Variants in HHIP observed in about 807,000 individuals in gnomAD.
HHIP encodes the protein hedgehog-interacting protein.
Under a neutral mutation model 74.0 loss-of-function variants are expected in HHIP, and 12 were observed. The observed-to-expected ratio is 0.16, with a 90% CI of 0.10 to 0.26. The LOEUF (loss-of-function observed/expected upper bound fraction) is 0.26, where lower values mean the gene tolerates loss of function less well. Among genes scored for constraint, HHIP ranks in the 10% least tolerant of loss-of-function variants. HHIP has a pLI of 1.00. For missense variants in HHIP, 788 were observed against 845.0 expected, an observed-to-expected ratio of 0.93 and a Z score of 0.84; for synonymous variants, 309 against 311.6, an observed-to-expected ratio of 0.99 and a Z score of 0.09.
chr4:144,687,906 A>G (rs1159660063), intron 4 of HHIP, among the ~76,000 whole-genome samples: 2 of 151,928 alleles, frequency 1.3e-5, no homozygotes, highest in African/African-American at 2.4e-5. Flanking sequence ...TGTGTTACAG[A>G]GTCTTTACAA....
At chr4:144,681,247 A>G (rs1249663872) in intron 4 of HHIP, among the ~76,000 whole-genome samples, 1 of 152,140 alleles carries the variant, frequency 6.6e-6, no homozygotes, top group African/African-American at 2.4e-5. Context: ...TTTGTATATT[A>G]TACATTAATC....
At chr4:144,737,151 C>A (rs1731143073) in intron 12 of HHIP, among the ~76,000 whole-genome samples, 1 of 152,172 alleles carries the variant, frequency 6.6e-6, no homozygotes, top group Non-Finnish European at 1.5e-5. Context: ...AAGGTTTGCT[C>A]AGAACATCCT....
At position 144,734,870 on chromosome 4, in the gene HHIP, G is replaced by A. The variant is rs1251240370; in HGVS notation, c.1890G>A (p.Glu630=). The part of the protein sequence containing the change: ...TGKCCCSPGW[E]GDFCRTAKCE... Reference sequence around the variant, plus strand: ...AGTGCTGCTGCAGTCCAGGCTGGGAGGGGGACTTCTGCAGAACTGGTTAGT... The same window carrying A: ...AGTGCTGCTGCAGTCCAGGCTGGGAAGGGGACTTCTGCAGAACTGGTTAGT... The change falls in exon 12 of 13, where the codon GAG becomes GAA. Residue 630 remains glutamate, a synonymous_variant. Coordinates refer to ENST00000296575, the MANE Select transcript of HHIP (RefSeq NM_022475.3). 1.2e-6 allele frequency: 2 copies of A among 1,611,046 alleles called. No homozygotes were observed. The highest frequency in any genetic ancestry group is 1.7e-5 in the Admixed American group (1 of 59,972).
chr4:144,714,358 C>G lies in HHIP; in HGVS notation c.1547+10C>G, dbSNP rs76366317. Reference sequence around the variant, plus strand: ...TTGGAGATCGTAATGGGTAGGTTTCCTGATACCACAACAGTATGATATACC... The same window carrying G: ...TTGGAGATCGTAATGGGTAGGTTTCGTGATACCACAACAGTATGATATACC... On this transcript the variant is annotated intron_variant, in intron 9 of 12. Transcript: ENST00000296575. The G allele has an allele frequency of 2.5e-3, 3,954 of 1,612,896 alleles. 93 individuals carry two copies. The African/African-American group carries it at 0.047, about 19-fold the overall frequency.
At chr4:144,667,937 T>C (rs1437744366) in intron 4 of HHIP, among the ~76,000 whole-genome samples, 1 of 151,982 alleles carries the variant, frequency 6.6e-6, no homozygotes, top group Non-Finnish European at 1.5e-5. Context: ...AGGGGGGCAA[T>C]TGGGTAAAGC....
chr4:144,669,041 A>G (rs1728960299), intron 4 of HHIP, among the ~76,000 whole-genome samples: 1 of 150,858 alleles, frequency 6.6e-6, no homozygotes, highest in African/African-American at 2.4e-5. Context: ...TTTATATGCA[A>G]TAAGTATGTA....
At chr4:144,734,649 AG>A in intron 11 of HHIP, 91 bp from the exon 12 acceptor site, 1 of 986,510 alleles carries the variant, frequency 1.0e-6, no homozygotes, top group Non-Finnish European at 1.4e-6. Context: ...AGAAAGTAAG[AG>A]GCATGCTTTG....
In HHIP at chr4:144,708,150, T is replaced by G. The variant is rs954107302; in HGVS notation, c.1158-18T>G. 6.2e-7 allele frequency: 1 copy of G among 1,613,280 alleles called. No homozygotes were observed. The highest frequency in any genetic ancestry group is 1.3e-5 in the African/African-American group (1 of 74,910). On this transcript the variant is annotated intron_variant, in intron 6 of 12. Coordinates refer to ENST00000296575, the MANE Select transcript of HHIP (RefSeq NM_022475.3). Reference sequence around the variant, plus strand: ...TAATGAAAATGTAAAACACATACTCTGTCCCCCAATTTCTCAGTGATTTCA... The same window carrying G: ...TAATGAAAATGTAAAACACATACTCGGTCCCCCAATTTCTCAGTGATTTCA...
intron 4 of HHIP, among the ~76,000 whole-genome samples, chr4:144,701,053 GA>G (rs1421276698): frequency 5.9e-5 from 9 of 152,244 alleles, no homozygotes; most frequent in African/African-American, 2.2e-4. Flanking sequence ...ACATAGGCAA[GA>G]AAATGACAGT....
At chr4:144,698,377 A>G (rs1350307349) in intron 4 of HHIP, among the ~76,000 whole-genome samples, 1 of 152,178 alleles carries the variant, frequency 6.6e-6, no homozygotes, top group African/African-American at 2.4e-5. Flanking sequence ...TACCTTTTCT[A>G]TGTTTACATG....
intron 4 of HHIP, among the ~76,000 whole-genome samples, chr4:144,662,733 T>G (rs1249020172): frequency 6.6e-6 from 1 of 152,226 alleles, no homozygotes; most frequent in Admixed American, 6.5e-5. Flanking sequence ...AGCGTTGTTA[T>G]TGTTCTGTTG....
chr4:144,730,242 A>AT (rs11335753), intron 11 of HHIP, among the ~76,000 whole-genome samples: 1 of 151,954 alleles, frequency 6.6e-6, no homozygotes, highest in Non-Finnish European at 1.5e-5. Context: ...TTCTAAGAAA[A>AT]TTTTTTTAAA....
intron 4 of HHIP, among the ~76,000 whole-genome samples, chr4:144,694,561 C>T (rs1485992590): frequency 1.3e-5 from 2 of 151,626 alleles, no homozygotes; most frequent in African/African-American, 2.4e-5. Context: ...AGCCACACAT[C>T]GTAAAAACCA....
At chr4:144,713,203 G>A (rs946807181) in intron 8 of HHIP, among the ~76,000 whole-genome samples, 3 of 152,028 alleles carry the variant, frequency 2.0e-5, no homozygotes, top group African/African-American at 7.2e-5. Flanking sequence ...TGGCCACATT[G>A]TACAAATGAG....
At chr4:144,661,532 G>A (rs1031639512) in intron 4 of HHIP, among the ~76,000 whole-genome samples, 6 of 152,148 alleles carry the variant, frequency 3.9e-5, no homozygotes, top group Non-Finnish European at 8.8e-5. Flanking sequence ...ATATCAGAGT[G>A]TATAGTGAGT....
chr4:144,707,023 C>A, intron 5 of HHIP, 64 bp from the exon 6 acceptor site: 1 of 1,387,584 alleles, frequency 7.2e-7, no homozygotes, highest in Non-Finnish European at 1.0e-6. Flanking sequence ...ATACTATTCA[C>A]TTTCTGATGG....
chr4:144,725,406 T>C (rs959045648), intron 11 of HHIP, among the ~76,000 whole-genome samples: 4 of 152,188 alleles, frequency 2.6e-5, no homozygotes, highest in African/African-American at 9.6e-5. Context: ...TGAACTGACA[T>C]TCCTGTGCTC....
intron 11 of HHIP, among the ~76,000 whole-genome samples, chr4:144,727,626 A>T (rs1359466696): frequency 6.6e-6 from 1 of 152,212 alleles, no homozygotes; most frequent in Non-Finnish European, 1.5e-5. Flanking sequence ...TTTTATCTAA[A>T]AGCACATGAC....
Position 144,706,539 on chromosome 4 carries a change from T to A in HHIP, c.840T>A (p.Asp280Glu). 1 of 1,608,484 alleles carries A rather than the reference T, an allele frequency of 6.2e-7. No individual in the cohort carries two copies. Among genetic ancestry groups the A allele is most frequent in the Non-Finnish European group, 8.5e-7 (1 of 1,177,862 alleles). ...KLVQSGIKGG[D>E]ERGLLSLAFH... ...TTTTCATTTGACTGCAGGGAGGAGATGAAAGAGGACTGCTAAGCCTCGCAT... is the reference window on the plus strand; with the variant it reads ...TTTTCATTTGACTGCAGGGAGGAGAAGAAAGAGGACTGCTAAGCCTCGCAT... Residue 280 changes from aspartate to glutamate, a missense_variant, in exon 5 of 13, where the codon GAT becomes GAA. Physicochemically the swap from Asp to Glu is conservative, Grantham distance 45 (BLOSUM62 2). Around this residue, in one of 3 missense-constraint regions of HHIP, gnomAD observed 373 missense variants for 366.4 expected, o/e 1.02. Transcript: ENST00000296575.
Sources: allele counts gnomAD v4.1 joint callset (sites outside exome capture counted in the v4.1 genomes callset), GRCh38; gene constraint gnomAD v4.1.1; regional missense constraint gnomAD v4.1.1; transcripts MANE v1.5; gene names NCBI Gene and HGNC (gene_info 2026-07-23, HGNC 2026-07-21).